The following GCNT2 variants were observed in gnomAD, a reference collection of about 807,000 sequenced individuals.
The protein encoded by GCNT2 is glucosaminyl (N-acetyl) transferase 2 (I blood group).
GCNT2 carries 34 observed loss-of-function variants against 34.2 expected under a neutral mutation model. The ratio of observed to expected loss-of-function variants is 1.00; its 90% confidence interval spans 0.76 to 1.32. GCNT2 has a LOEUF of 1.32. GCNT2 is among the 40% of genes most tolerant of loss of function. The pLI is 0.00. For synonymous variants in GCNT2, 212 were observed against 188.0 expected (o/e 1.13, Z -1.04); for missense variants, 584 against 489.4 (o/e 1.19, Z -1.82).
In GCNT2 at chr6:10,582,572, A is replaced by G. The variant is rs143898855; in HGVS notation, c.926-38779A>G. On this transcript the variant is annotated intron_variant, in intron 3 of 4. Transcript: ENST00000495262. ...TATAATATATATCATATATATTTAAATATATATAAACTATATATAAAATAT... is the reference window on the plus strand; with the variant it reads ...TATAATATATATCATATATATTTAAGTATATATAAACTATATATAAAATAT... Among the ~76,000 whole-genome samples, 312 of 137,972 alleles carry G rather than the reference A, an allele frequency of 2.3e-3. 15 individuals carry two copies. The East Asian group carries it at 0.054, about 24-fold the overall frequency. 90.5% of individuals were successfully genotyped at this position (137,972 alleles called of 152,430 possible).
intron 3 of GCNT2, among the ~76,000 whole-genome samples, chr6:10,548,148 C>T (rs937547004): frequency 1.2e-4 from 18 of 152,186 alleles, no homozygotes; most frequent in African/African-American, 4.3e-4. Flanking sequence ...TCACTTGAGC[C>T]TAGGAGTTTG....
intron 3 of GCNT2, among the ~76,000 whole-genome samples, chr6:10,595,710 T>C (rs1188203247): frequency 6.6e-6 from 1 of 152,218 alleles, no homozygotes; most frequent in Non-Finnish European, 1.5e-5. Flanking sequence ...TTCACAATTA[T>C]TCTATGTAGG....
chr6:10,614,072 G>A (rs184758465), intron 3 of GCNT2, among the ~76,000 whole-genome samples: 6 of 152,266 alleles, frequency 3.9e-5, no homozygotes, highest in East Asian at 1.9e-4. Context: ...TTCAGCCCAA[G>A]CCAAATTAAA....
intron 3 of GCNT2, among the ~76,000 whole-genome samples, chr6:10,565,590 CTTTG>C (rs1763239475): frequency 6.6e-6 from 1 of 152,212 alleles, no homozygotes; most frequent in Admixed American, 6.5e-5. Flanking sequence ...TCCAGCAAGG[CTTTG>C]TTTCTTTGCA....
chr6:10,555,360 A>G (rs970115667), intron 3 of GCNT2, among the ~76,000 whole-genome samples: 1 of 152,154 alleles, frequency 6.6e-6, no homozygotes, highest in African/African-American at 2.4e-5. Context: ...ACACCACTAT[A>G]TTTACAAATA....
At chr6:10,581,786 C>G in intron 3 of GCNT2, 1 of 985,176 alleles carries the variant, frequency 1.0e-6, no homozygotes, top group Non-Finnish European at 1.2e-6. Context: ...TCTCTTTTCT[C>G]ACTCCAACTT....
Position 10,528,664 on chromosome 6 carries a change from G to A in GCNT2, c.-248G>A, listed in dbSNP as rs866799242. On this transcript the variant is annotated 5_prime_UTR_variant, in exon 3 of 5. Transcript: ENST00000495262. ...TGCAGGTTAGCAGGAGAACAGGCAA[G>A]CCAAATGCAAAGGAGCCACTTCAGA... 5 of 558,012 alleles carry A rather than the reference G, an allele frequency of 9.0e-6. No individual in the cohort carries two copies. The highest frequency in any genetic ancestry group is 1.6e-5 in the Non-Finnish European group (5 of 312,658). 34.6% of individuals were successfully genotyped at this position (558,012 alleles called of 1,614,324 possible).
intron 3 of GCNT2, among the ~76,000 whole-genome samples, chr6:10,588,161 G>C (rs993433872): frequency 3.0e-4 from 45 of 152,198 alleles, no homozygotes; most frequent in African/African-American, 1.1e-3. Context: ...CTGGAGACGA[G>C]AGAATTATGC....
At chr6:10,524,236 A>G (rs1761077529) in intron 1 of GCNT2, among the ~76,000 whole-genome samples, 1 of 150,608 alleles carries the variant, frequency 6.6e-6, no homozygotes, top group Non-Finnish European at 1.5e-5. Flanking sequence ...AAACTTTCTG[A>G]CACATAATCC....
intron 3 of GCNT2, among the ~76,000 whole-genome samples, chr6:10,549,669 T>G (rs1018277620): frequency 1.4e-5 from 2 of 144,914 alleles, no homozygotes; most frequent in African/African-American, 5.1e-5. Flanking sequence ...CCTCTCAGGC[T>G]CAAGCAATTC....
chr6:10,581,462 G>T (rs1400822659), intron 3 of GCNT2, among the ~76,000 whole-genome samples: 1 of 151,984 alleles, frequency 6.6e-6, no homozygotes, highest in Admixed American at 6.6e-5. Flanking sequence ...TAGAGACAGG[G>T]TTTCTCCATG....
Position 10,608,370 on chromosome 6 carries a change from G to A in GCNT2, c.926-12981G>A, listed in dbSNP as rs188635645. Among the ~76,000 whole-genome samples the A allele has an allele frequency of 1.5e-4, 23 of 152,194 alleles. No individual in the cohort carries two copies. In the East Asian group the frequency reaches 4.2e-3, roughly 28 times the overall value. On this transcript the variant is annotated intron_variant, in intron 3 of 4. Transcript: ENST00000495262. Reference sequence around the variant, plus strand: ...TGGGATTACAGGCGTGAGCCACCACGCCTGGCGATATGCACATTTTTAAGG... The same window carrying A: ...TGGGATTACAGGCGTGAGCCACCACACCTGGCGATATGCACATTTTTAAGG...
intron 3 of GCNT2, among the ~76,000 whole-genome samples, chr6:10,541,200 T>TCA (rs1762022766): frequency 6.6e-6 from 1 of 152,150 alleles, no homozygotes; most frequent in African/African-American, 2.4e-5. Flanking sequence ...CAGTATGTGT[T>TCA]GTTCCCTTGC....
At chr6:10,554,744 A>T (rs1225098534) in intron 3 of GCNT2, among the ~76,000 whole-genome samples, 3 of 152,208 alleles carry the variant, frequency 2.0e-5, no homozygotes, top group Non-Finnish European at 4.4e-5. Flanking sequence ...TCCATAGAAG[A>T]CACTAAGAAT....
Position 10,624,049 on chromosome 6 carries a change from C to T in GCNT2, c.1019-2368C>T, listed in dbSNP as rs565060678. ...GGCAGAGTATTGGTGGGGAGTGTTGCGGAACTCTCTTAAGACAAACCCACC... is the reference window on the plus strand; with the variant it reads ...GGCAGAGTATTGGTGGGGAGTGTTGTGGAACTCTCTTAAGACAAACCCACC... On this transcript the variant is annotated intron_variant, in intron 4 of 4. Coordinates refer to ENST00000495262, the MANE Select transcript of GCNT2 (RefSeq NM_145649.5). Among the ~76,000 whole-genome samples, 68 of 152,170 alleles carry T rather than the reference C, an allele frequency of 4.5e-4. 2 individuals carry two copies. The highest frequency in any genetic ancestry group is 1.2e-3 in the East Asian group (6 of 5,162).
At chr6:10,542,426 GTAA>G (rs1414338032) in intron 3 of GCNT2, among the ~76,000 whole-genome samples, 2 of 152,134 alleles carry the variant, frequency 1.3e-5, no homozygotes, top group African/African-American at 4.8e-5. Context: ...TGTGTACAAT[GTAA>G]TGATTTTTAG....
chr6:10,539,970 T>C (rs1427883934), intron 3 of GCNT2, among the ~76,000 whole-genome samples: 1 of 151,918 alleles, frequency 6.6e-6, no homozygotes, highest in Non-Finnish European at 1.5e-5. Flanking sequence ...CCCAGCTACT[T>C]GGGAGGCTGA....
intron 3 of GCNT2, among the ~76,000 whole-genome samples, chr6:10,537,381 G>A (rs968343732): frequency 1.3e-5 from 2 of 152,142 alleles, no homozygotes; most frequent in Middle Eastern, 3.4e-3. Flanking sequence ...GAAACTCATC[G>A]CAAGTGGAAA....
chr6:10,626,806 T>A lies in GCNT2; in HGVS notation c.*199T>A. 3 of 581,526 alleles carry A rather than the reference T, an allele frequency of 5.2e-6. No individual in the cohort carries two copies. The South Asian group carries it at 6.1e-5, about 12-fold the overall frequency. The allele number at this position is 581,526 out of a possible 1,614,324, so 36.0% of individuals were successfully genotyped here. ...AACAGGATGGCTGGGTAGAGCAATC[T>A]GGGCACTTTGGCCAATTTTAGTCTT... is the stretch of plus-strand genomic sequence containing the variant. On this transcript the variant is annotated 3_prime_UTR_variant, in exon 5 of 5. Transcript: ENST00000495262.
Sources: gnomAD v4.1 joint callset for allele counts (sites outside exome capture counted in the v4.1 genomes callset) on GRCh38, gnomAD v4.1.1 for gene constraint, MANE v1.5 for transcripts, NCBI Gene and HGNC (gene_info 2026-07-23, HGNC 2026-07-21) for gene names.